Variants in CADPS observed in about 807,000 individuals in gnomAD.
CADPS encodes the protein calcium-dependent secretion activator 1.
Under a neutral mutation model 167.3 loss-of-function variants are expected in CADPS, and 57 were observed. The ratio of observed to expected loss-of-function variants is 0.34; its 90% CI spans 0.28 to 0.42. The LOEUF (loss-of-function observed/expected upper bound fraction) is 0.42, where lower values mean the gene tolerates loss of function less well. Ranked by LOEUF, CADPS falls within the 20% of genes least tolerant of loss-of-function variation. The probability of loss-of-function intolerance (pLI) is 1.00; values close to 1 mark genes in which losing one functional copy is unlikely to be tolerated. For missense variants in CADPS, 1,414 were observed against 1,738.1 expected (o/e 0.81, Z 3.32); for synonymous variants, 676 against 635.3 (o/e 1.06, Z -0.96).
chr3:62,682,731 G>C (rs529848395), intron 3 of CADPS, among the ~76,000 whole-genome samples: 36 of 151,888 alleles, frequency 2.4e-4, no homozygotes, highest in Non-Finnish European at 4.6e-4. Flanking sequence ...TGTTTATTAA[G>C]CATAGACTGC....
chr3:62,838,813 C>T (rs1491000428), intron 1 of CADPS, among the ~76,000 whole-genome samples: 1 of 152,126 alleles, frequency 6.6e-6, no homozygotes, highest in Non-Finnish European at 1.5e-5. Context: ...GGATGCTGGA[C>T]AAATCTTGCC....
chr3:62,629,152 T>C (rs2064758698), intron 6 of CADPS, among the ~76,000 whole-genome samples: 1 of 152,136 alleles, frequency 6.6e-6, no homozygotes, highest in Admixed American at 6.6e-5. Flanking sequence ...TATCATAAAA[T>C]TCATGTTTTA....
chr3:62,633,605 G>C (rs2065717219), intron 6 of CADPS, among the ~76,000 whole-genome samples: 2 of 151,986 alleles, frequency 1.3e-5, no homozygotes, highest in Admixed American at 1.3e-4. Context: ...TTACATAACT[G>C]GTTCCCTCTT....
chr3:62,791,978 G>T (rs1174766221), intron 1 of CADPS, among the ~76,000 whole-genome samples: 1 of 152,152 alleles, frequency 6.6e-6, no homozygotes, highest in Non-Finnish European at 1.5e-5. Flanking sequence ...AGCTGCAGGA[G>T]ATTCACATCC....
intron 1 of CADPS, among the ~76,000 whole-genome samples, chr3:62,831,285 G>T (rs1166252033): frequency 4.6e-5 from 7 of 152,178 alleles, no homozygotes; most frequent in African/African-American, 1.4e-4. Flanking sequence ...GAAACTAATA[G>T]AGAGAGGTGA....
intron 28 of CADPS, among the ~76,000 whole-genome samples, chr3:62,428,296 C>CTT (rs34002756): frequency 0.073 from 4,655 of 64,124 alleles, 750 homozygotes; most frequent in East Asian, 0.33. Flanking sequence ...GGAAGCAAGA[C>CTT]TTTTTTTTTT....
At chr3:62,490,359 C>T (rs1447794188) in intron 21 of CADPS, among the ~76,000 whole-genome samples, 1 of 152,154 alleles carries the variant, frequency 6.6e-6, no homozygotes, top group East Asian at 1.9e-4. Context: ...CAGCAGTAGG[C>T]TTTACTGGAG....
chr3:62,593,823 T>C (rs1261304424), intron 6 of CADPS, among the ~76,000 whole-genome samples: 2 of 152,248 alleles, frequency 1.3e-5, no homozygotes, highest in Non-Finnish European at 2.9e-5. Flanking sequence ...TAATTTTGCA[T>C]CTTAGCAATC....
chr3:62,844,307 T>A (rs1189282972), intron 1 of CADPS, among the ~76,000 whole-genome samples: 3 of 152,066 alleles, frequency 2.0e-5, no homozygotes, highest in Non-Finnish European at 4.4e-5. Context: ...GAAGGGGAAA[T>A]GGGAAACAGT....
chr3:62,499,746 T>C (rs1249298128), intron 17 of CADPS: 1 of 153,524 alleles, frequency 6.5e-6, no homozygotes, highest in Admixed American at 6.5e-5. Context: ...ATTTTGAAAA[T>C]GCAGATTCAA....
At chr3:62,635,170 G>A (rs780865018) in intron 6 of CADPS, among the ~76,000 whole-genome samples, 1 of 152,088 alleles carries the variant, frequency 6.6e-6, no homozygotes, top group African/African-American at 2.4e-5. Flanking sequence ...TCCAAGTCCC[G>A]CTACATTTGG....
intron 18 of CADPS, among the ~76,000 whole-genome samples, chr3:62,496,607 T>C (rs533130189): frequency 6.6e-6 from 1 of 152,354 alleles, no homozygotes; most frequent in African/African-American, 2.4e-5. Context: ...CACCAGATGC[T>C]TTAATGAATG....
At chr3:62,725,408 C>A (rs937856162) in intron 3 of CADPS, among the ~76,000 whole-genome samples, 8 of 152,208 alleles carry the variant, frequency 5.3e-5, no homozygotes, top group Admixed American at 5.2e-4. Flanking sequence ...TAACAATAGT[C>A]TTCAGCCCGG....
Position 62,753,803 on chromosome 3 carries a change from T to G in CADPS, c.556-30A>C. 6.3e-7 allele frequency: 1 copy of G among 1,579,630 alleles called. No individual in the cohort carries two copies. The highest frequency in any genetic ancestry group is 8.6e-7 in the Non-Finnish European group (1 of 1,160,098). On this transcript the variant is annotated intron_variant, in intron 2 of 29. Coordinates refer to ENST00000383710, the MANE Select transcript of CADPS (RefSeq NM_003716.4). This position sits in a 1 kb window ranked among gnomAD's most constrained non-coding sequence, Gnocchi z 4.6. ...GCAAGAACAAGGCCAGGAAAGACAG[T>G]AGGAGAGTTTACCACAGAGGTACCA...
intron 6 of CADPS, among the ~76,000 whole-genome samples, chr3:62,605,574 C>A (rs1248613101): frequency 6.6e-6 from 1 of 152,192 alleles, no homozygotes; most frequent in African/African-American, 2.4e-5. Flanking sequence ...CTGGGCAGCA[C>A]AGGATTAAGA....
chr3:62,606,236 A>G (rs937961621), intron 6 of CADPS, among the ~76,000 whole-genome samples: 4 of 152,222 alleles, frequency 2.6e-5, no homozygotes, highest in African/African-American at 9.6e-5. Flanking sequence ...GTCCCTTCAA[A>G]AACACATTGT....
chr3:62,556,482 G>A (rs1039673358), intron 10 of CADPS, among the ~76,000 whole-genome samples: 2 of 152,196 alleles, frequency 1.3e-5, no homozygotes, highest in South Asian at 4.2e-4. Context: ...GCATGTGGAA[G>A]AGCAATATGG....
chr3:62,478,445 G>C lies in CADPS; in HGVS notation c.3174-29C>G, dbSNP rs749499169. ...GCAGGACAAAAATTAGAAAATGAGAGTCACCCACTGGCCTCAGGCTCTACA... is the reference window on the plus strand; with the variant it reads ...GCAGGACAAAAATTAGAAAATGAGACTCACCCACTGGCCTCAGGCTCTACA... On this transcript the variant is annotated intron_variant, in intron 22 of 29. Transcript: ENST00000383710. The surrounding 1 kb of genome is among the most constrained non-coding windows in gnomAD (Gnocchi z 5.7). The C allele has an allele frequency of 6.3e-7, 1 of 1,599,578 alleles. No homozygotes were observed. Among genetic ancestry groups the C allele is most frequent in the Admixed American group, 1.7e-5 (1 of 57,820 alleles).
chr3:62,746,760 G>C (rs1381977482), intron 3 of CADPS, among the ~76,000 whole-genome samples: 4 of 152,128 alleles, frequency 2.6e-5, no homozygotes, highest in Non-Finnish European at 5.9e-5. Context: ...CCAACAACAT[G>C]AAGGAGCTTA....
Sources: gnomAD v4.1 joint callset for allele counts (sites outside exome capture counted in the v4.1 genomes callset) on GRCh38, gnomAD v4.1.1 for gene constraint, Gnocchi (gnomAD v3.1) non-coding constraint, MANE v1.5 for transcripts, NCBI Gene and HGNC (gene_info 2026-07-23, HGNC 2026-07-21) for gene names.